The following NKAIN3 variants were observed in gnomAD, a reference collection of about 807,000 sequenced individuals.
NKAIN3 encodes sodium/potassium transporting ATPase interacting 3.
In NKAIN3, 25 loss-of-function variants were observed where a neutral mutation model predicts 30.2. The observed-to-expected ratio is 0.83, with a 90% CI of 0.60 to 1.16. The LOEUF is 1.16. Among genes scored for constraint, NKAIN3 ranks in the 50% most tolerant of loss-of-function variants. The pLI, the probability that NKAIN3 is intolerant of heterozygous loss-of-function variation, is 0.00. For missense variants in NKAIN3, 225 were observed against 254.1 expected, an observed-to-expected ratio of 0.89 and a Z score of 0.78; for synonymous variants, 91 against 89.6, an observed-to-expected ratio of 1.02 and a Z score of -0.09.
chr8:62,335,701 A>T (rs1306901642), intron 1 of NKAIN3, among the ~76,000 whole-genome samples: 1 of 152,042 alleles, frequency 6.6e-6, no homozygotes, highest in Non-Finnish European at 1.5e-5. Context: ...AAATCCAACC[A>T]GATGCAGGTC....
rs567041063 is a variant in NKAIN3 at position 62,253,055 on chromosome 8, T to A, written c.54+3928T>A. Among the ~76,000 whole-genome samples the A allele has an allele frequency of 3.3e-5, 5 of 152,312 alleles. No individual in the cohort carries two copies. In the South Asian group the frequency reaches 1.0e-3, roughly 32 times the overall value. On this transcript the variant is annotated intron_variant, in intron 1 of 6. Coordinates refer to ENST00000623646, the MANE Select transcript of NKAIN3 (RefSeq NM_001304533.3). ...AGAGGTCGGACTCTGGCAAGTTCAA[T>A]GTAACTTTGGCATGTTCAACACATC...
At chr8:62,753,173 C>T (rs978618718) in intron 4 of NKAIN3, among the ~76,000 whole-genome samples, 1 of 151,384 alleles carries the variant, frequency 6.6e-6, no homozygotes, top group African/African-American at 2.4e-5. Flanking sequence ...TACATTCTTA[C>T]TCTGGGAATT....
intron 4 of NKAIN3, among the ~76,000 whole-genome samples, chr8:62,909,903 C>T (rs1191373708): frequency 6.6e-6 from 1 of 152,078 alleles, no homozygotes; most frequent in Non-Finnish European, 1.5e-5. Flanking sequence ...TGTCTATCTC[C>T]ATTGCCTGGC....
At position 62,773,898 on chromosome 8, in the gene NKAIN3, T is replaced by C. The variant is rs370999919; in HGVS notation, c.471+26769T>C. ...ATAGCATTGTCTATTCTGGGTCTTT[T>C]GTGGTTCAATATAAATTTTGCAATT... On this transcript the variant is annotated intron_variant, in intron 4 of 6. Transcript: ENST00000623646. 3.3e-5 allele frequency among the ~76,000 whole-genome samples: 5 copies of C among 152,342 alleles called. No individual in the cohort carries two copies. The East Asian group carries it at 7.7e-4, about 24-fold the overall frequency.
chr8:62,593,577 T>G (rs1486155202), intron 3 of NKAIN3, among the ~76,000 whole-genome samples: 1 of 151,856 alleles, frequency 6.6e-6, no homozygotes, highest in African/African-American at 2.4e-5. Flanking sequence ...AAATTATCAA[T>G]TCATTAAAGA....
chr8:62,468,056 C>G (rs1359939505), intron 1 of NKAIN3, among the ~76,000 whole-genome samples: 1 of 152,132 alleles, frequency 6.6e-6, no homozygotes, highest in South Asian at 2.1e-4. Flanking sequence ...GTTTAACCAG[C>G]ACATTTTTCC....
intron 6 of NKAIN3, among the ~76,000 whole-genome samples, chr8:62,958,426 A>C (rs1158182262): frequency 6.7e-6 from 1 of 149,524 alleles, no homozygotes; most frequent in East Asian, 2.0e-4. Context: ...CATAACTGCC[A>C]TGGAGTCTCC....
intron 1 of NKAIN3, among the ~76,000 whole-genome samples, chr8:62,407,800 C>T (rs1313370126): frequency 2.0e-5 from 3 of 152,076 alleles, no homozygotes; most frequent in Non-Finnish European, 4.4e-5. Flanking sequence ...AGGATGATGA[C>T]GTGGGAGGAT....
chr8:62,684,875 T>C, intron 3 of NKAIN3, among the ~76,000 whole-genome samples: 1 of 152,134 alleles, frequency 6.6e-6, no homozygotes, highest in Non-Finnish European at 1.5e-5. Flanking sequence ...ACAAGACAAG[T>C]TGAGAGTTCC....
chr8:62,313,787 C>G (rs75960455), intron 1 of NKAIN3, among the ~76,000 whole-genome samples: 1 of 152,100 alleles, frequency 6.6e-6, no homozygotes, highest in Non-Finnish European at 1.5e-5. Context: ...CAACTGTTCA[C>G]AAGGCACTAA....
intron 1 of NKAIN3, among the ~76,000 whole-genome samples, chr8:62,392,821 T>A (rs1209027966): frequency 6.6e-6 from 1 of 152,110 alleles, no homozygotes; most frequent in Non-Finnish European, 1.5e-5. Context: ...TAGAATTTTT[T>A]AAATATTTCA....
At position 62,345,420 on chromosome 8, in the gene NKAIN3, C is replaced by A. The variant is rs1424070138; in HGVS notation, c.54+96293C>A. ...ATATACACATATATGTATATATACACATATATACACATATATGTATATATA... is the reference window on the plus strand; with the variant it reads ...ATATACACATATATGTATATATACAAATATATACACATATATGTATATATA... On this transcript the variant is annotated intron_variant, in intron 1 of 6. Coordinates refer to ENST00000623646, the MANE Select transcript of NKAIN3 (RefSeq NM_001304533.3). 6.2e-5 allele frequency among the ~76,000 whole-genome samples: 7 copies of A among 113,254 alleles called. 1 individual carries two copies. Among genetic ancestry groups the A allele is most frequent in the Admixed American group, 1.8e-4 (2 of 11,246 alleles). 74.3% of individuals were successfully genotyped at this position (113,254 alleles called of 152,430 possible). A position where few individuals can be genotyped will look rare whatever the true frequency, so the allele number is the denominator to read the frequency against.
intron 4 of NKAIN3, among the ~76,000 whole-genome samples, chr8:62,862,794 CCA>C (rs1256806711): frequency 7.9e-5 from 12 of 152,162 alleles, no homozygotes; most frequent in African/African-American, 2.6e-4. Flanking sequence ...TAAGAATATT[CCA>C]CAGAGAAGTT....
chr8:62,961,627 C>T (rs1045318027), intron 6 of NKAIN3, among the ~76,000 whole-genome samples: 6 of 152,136 alleles, frequency 3.9e-5, no homozygotes, highest in African/African-American at 1.4e-4. Context: ...CAAAACACAA[C>T]TTCTGTATAA....
At chr8:62,626,463 GTTTTCAGAC>G (rs762872332) in intron 3 of NKAIN3, among the ~76,000 whole-genome samples, 6 of 152,056 alleles carry the variant, frequency 3.9e-5, no homozygotes, top group Non-Finnish European at 8.8e-5. Flanking sequence ...GGTCATGGTT[GTTTTCAGAC>G]TATCCAGAAA....
chr8:62,765,395 A>T (rs1816806197), intron 4 of NKAIN3, among the ~76,000 whole-genome samples: 1 of 152,194 alleles, frequency 6.6e-6, no homozygotes, highest in African/African-American at 2.4e-5. Context: ...ACCCCTTCTC[A>T]ACCTGGCTAG....
chr8:62,864,782 C>G (rs1429404741), intron 4 of NKAIN3, among the ~76,000 whole-genome samples: 1 of 152,100 alleles, frequency 6.6e-6, no homozygotes. Context: ...ACACGGAATG[C>G]AGATAAAATT....
chr8:62,798,689 T>C (rs953634988), intron 4 of NKAIN3, among the ~76,000 whole-genome samples: 2 of 152,226 alleles, frequency 1.3e-5, no homozygotes, highest in African/African-American at 4.8e-5. Flanking sequence ...TTCACCTTGA[T>C]CTCAGACTTC....
intron 1 of NKAIN3, among the ~76,000 whole-genome samples, chr8:62,577,567 T>C (rs555043256): frequency 2.0e-5 from 3 of 149,246 alleles, no homozygotes; most frequent in East Asian, 2.0e-4. Flanking sequence ...ATTTTAGTTA[T>C]GTTTGGACAT....
Sources: gnomAD v4.1 joint callset for allele counts (sites outside exome capture counted in the v4.1 genomes callset) on GRCh38, gnomAD v4.1.1 for gene constraint, MANE v1.5 for transcripts, NCBI Gene and HGNC (gene_info 2026-07-23, HGNC 2026-07-21) for gene names.